Variants in MINPP1 observed in about 807,000 individuals in gnomAD.
The protein encoded by MINPP1 is multiple inositol polyphosphate phosphatase 1.
A neutral mutation model predicts 46.1 loss-of-function variants in MINPP1; 28 were observed. The observed-to-expected ratio is 0.61, with a 90% CI of 0.45 to 0.83. The LOEUF (loss-of-function observed/expected upper bound fraction) is 0.83. Ranked by LOEUF, MINPP1 falls within the 40% of genes least tolerant of loss-of-function variation. MINPP1 has a pLI of 0.00. For missense variants in MINPP1, 603 were observed against 610.0 expected (o/e 0.99, Z 0.12); for synonymous variants, 268 against 249.1 (o/e 1.08, Z -0.72).
intron 4 of MINPP1, among the ~76,000 whole-genome samples, chr10:87,525,546 T>TATA: frequency 6.6e-6 from 1 of 152,348 alleles, no homozygotes; most frequent in East Asian, 1.9e-4. Flanking sequence ...TTTCTTTTTT[T>TATA]CACCTTTTTT....
intron 4 of MINPP1, among the ~76,000 whole-genome samples, chr10:87,534,031 A>G (rs1851697173): frequency 6.7e-6 from 1 of 148,648 alleles, no homozygotes; most frequent in Admixed American, 6.8e-5. Flanking sequence ...GTTGAAAGAT[A>G]CTGGCTAAAT....
intron 1 of MINPP1, among the ~76,000 whole-genome samples, chr10:87,507,289 TTTG>T (rs1197439048): frequency 1.3e-5 from 2 of 152,214 alleles, no homozygotes; most frequent in Non-Finnish European, 2.9e-5. Flanking sequence ...GAACAATGCC[TTTG>T]TTTTTGTTTA....
At chr10:87,507,105 G>C (rs1411389086) in intron 1 of MINPP1, among the ~76,000 whole-genome samples, 1 of 152,170 alleles carries the variant, frequency 6.6e-6, no homozygotes, top group Non-Finnish European at 1.5e-5. Context: ...TACAGAGCCA[G>C]GGATGAAAAT....
chr10:87,552,102 C>T lies in MINPP1; in HGVS notation c.1088C>T (p.Pro363Leu), dbSNP rs1851971522. The T allele has an allele frequency of 1.9e-6, 3 of 1,612,472 alleles. No homozygotes were observed. The highest frequency in any genetic ancestry group is 1.3e-5 in the African/African-American group (1 of 74,778). ...QKQRSQPISS[P>L]VILQFGHAET... ...TGAAGGTCTCAGCCAATTTCTTCTC[C>T]AGTCATCCTCCAGTTTGGTCATGCA... Residue 363 changes from proline (P) to leucine (L), a missense_variant, in exon 5 of 5, where the codon CCA becomes CTA. This residue lies in a region of MINPP1 where 344 missense variants were observed against 381.1 expected (regional missense o/e 0.90). Transcript: ENST00000371996.
chr10:87,540,491 T>C (rs61853082), intron 4 of MINPP1, among the ~76,000 whole-genome samples: 1 of 83,468 alleles, frequency 1.2e-5, no homozygotes, highest in Non-Finnish European at 2.3e-5. Context: ...TGTCTCTCTC[T>C]CTGTCACACA....
chr10:87,521,926 C>A (rs1488579740), intron 4 of MINPP1, among the ~76,000 whole-genome samples: 1 of 152,200 alleles, frequency 6.6e-6, no homozygotes, highest in Non-Finnish European at 1.5e-5. Flanking sequence ...CTCAAGGAAT[C>A]CTCTCCCGTT....
intron 3 of MINPP1, among the ~76,000 whole-genome samples, chr10:87,520,519 C>T (rs1851485248): frequency 6.6e-6 from 1 of 152,148 alleles, no homozygotes; most frequent in South Asian, 2.1e-4. Context: ...CAAACAGATA[C>T]ATGAACCAAA....
chr10:87,545,697 T>A (rs1851876995), intron 4 of MINPP1, among the ~76,000 whole-genome samples: 1 of 152,064 alleles, frequency 6.6e-6, no homozygotes, highest in Non-Finnish European at 1.5e-5. Flanking sequence ...AGGAGGTTCA[T>A]GAATTGAGAG....
At chr10:87,512,979 C>T in intron 2 of MINPP1, 145 bp from the exon 3 acceptor site, 1 of 685,046 alleles carries the variant, frequency 1.5e-6, no homozygotes, top group Non-Finnish European at 2.7e-6. Flanking sequence ...CTTTGATAGC[C>T]AGGAAGAAAC....
intron 1 of MINPP1, chr10:87,508,088 A>T (rs1851279451): frequency 6.7e-7 from 1 of 1,490,000 alleles, no homozygotes; most frequent in East Asian, 2.5e-5. Context: ...ATTGCGTAGC[A>T]TCTCTACAAC....
At chr10:87,546,936 C>CA (rs1851895310) in intron 4 of MINPP1, among the ~76,000 whole-genome samples, 2 of 151,876 alleles carry the variant, frequency 1.3e-5, no homozygotes, top group South Asian at 4.1e-4. Flanking sequence ...TATCTTTAAA[C>CA]AAAAACAAGG....
intron 4 of MINPP1, among the ~76,000 whole-genome samples, chr10:87,532,672 G>A (rs1005180426): frequency 2.6e-5 from 4 of 152,188 alleles, no homozygotes; most frequent in African/African-American, 9.7e-5. Flanking sequence ...AATAAAGTAC[G>A]GTTTGAGACT....
intron 4 of MINPP1, among the ~76,000 whole-genome samples, chr10:87,529,509 T>C (rs1851626448): frequency 6.6e-6 from 1 of 152,204 alleles, no homozygotes; most frequent in Admixed American, 6.5e-5. Flanking sequence ...TTGAAAATTC[T>C]TTAAGAAGGT....
At chr10:87,527,452 C>A (rs1851594297) in intron 4 of MINPP1, among the ~76,000 whole-genome samples, 2 of 152,104 alleles carry the variant, frequency 1.3e-5, no homozygotes, top group South Asian at 4.1e-4. Context: ...CCCATCAATA[C>A]CTAGTTTATT....
At chr10:87,510,389 T>C (rs1375211209) in intron 2 of MINPP1, among the ~76,000 whole-genome samples, 1 of 152,228 alleles carries the variant, frequency 6.6e-6, no homozygotes, top group African/African-American at 2.4e-5. Context: ...ATGGGACATA[T>C]GAATGACTCG....
chr10:87,513,243 T>C lies in MINPP1; in HGVS notation c.933+22T>C, dbSNP rs774509761. ...AAAGGTAAGTATTATTTTTGCAGTT[T>C]CTTTGCTTTTTTAAAAAAATTTTTT... On this transcript the variant is annotated intron_variant, in intron 3 of 4. Transcript: ENST00000371996. 5 of 1,596,442 alleles carry C rather than the reference T, an allele frequency of 3.1e-6. No homozygotes were observed. In the African/African-American group the frequency reaches 5.4e-5, roughly 17 times the overall value.
intron 4 of MINPP1, 35 bp downstream of exon 4, chr10:87,521,204 G>T (rs751089369): frequency 3.2e-6 from 5 of 1,572,330 alleles, no homozygotes; most frequent in Non-Finnish European, 3.5e-6. Context: ...AGTACATTTT[G>T]AGTTACTACT....
At chr10:87,537,778 T>C (rs910987193) in intron 4 of MINPP1, among the ~76,000 whole-genome samples, 1 of 151,900 alleles carries the variant, frequency 6.6e-6, no homozygotes, top group African/African-American at 2.4e-5. Context: ...GGGAATTTTT[T>C]TTCTTTTTTT....
At chr10:87,529,654 A>G (rs1304133352) in intron 4 of MINPP1, among the ~76,000 whole-genome samples, 1 of 152,022 alleles carries the variant, frequency 6.6e-6, no homozygotes, top group Non-Finnish European at 1.5e-5. Flanking sequence ...CTTCATTTCA[A>G]CTTTAGTGAA....
Sources: allele counts gnomAD v4.1 joint callset (sites outside exome capture counted in the v4.1 genomes callset), GRCh38; gene constraint gnomAD v4.1.1; regional missense constraint gnomAD v4.1.1; transcripts MANE v1.5; gene names NCBI Gene and HGNC (gene_info 2026-07-23, HGNC 2026-07-21).